Variants in SLC25A14 observed in about 807,000 individuals in gnomAD.
SLC25A14 encodes the protein solute carrier family 25 member 14, also known as brain mitochondrial carrier protein 1.
A neutral mutation model predicts 28.1 loss-of-function variants in SLC25A14; 8 were observed. That is an observed-to-expected ratio of 0.28 (90% CI 0.17 to 0.51). The LOEUF (loss-of-function observed/expected upper bound fraction) is 0.51, where lower values mean the gene tolerates loss of function less well. Among genes scored for constraint, SLC25A14 ranks in the 20% least tolerant of loss-of-function variants. The pLI is 0.97. For missense variants in SLC25A14, 135 were observed against 263.8 expected (o/e 0.51, Z 3.38); for synonymous variants, 74 against 90.6 (o/e 0.82, Z 1.04).
At chrX:130,345,109 C>A (rs980144549) in intron 2 of SLC25A14, 73 bp from the exon 3 acceptor site, 20 of 731,703 alleles carry the variant, frequency 2.7e-5, no homozygotes, top group Non-Finnish European at 3.9e-5. Context: ...TTTTGTTTAT[C>A]TAAATTATAT....
intron 6 of SLC25A14, among the ~76,000 whole-genome samples, chrX:130,355,498 T>G (rs1011589366): frequency 8.9e-6 from 1 of 112,298 alleles, no homozygotes; most frequent in African/African-American, 3.2e-5. Flanking sequence ...TTATTCCCTT[T>G]TTCTGAATTA....
At chrX:130,363,518 C>G (rs775715228) in intron 7 of SLC25A14, among the ~76,000 whole-genome samples, 1 of 112,075 alleles carries the variant, frequency 8.9e-6, no homozygotes, top group South Asian at 3.7e-4. Flanking sequence ...TTTCTGTACA[C>G]ATTTTTGTAT....
intron 6 of SLC25A14, among the ~76,000 whole-genome samples, chrX:130,354,455 A>C (rs985856476): frequency 8.9e-6 from 1 of 112,291 alleles, no homozygotes; most frequent in Non-Finnish European, 1.9e-5. Context: ...TATATCAGTT[A>C]GGTTATGGGC....
Position 130,371,489 on chromosome X carries a change from G to A in SLC25A14, c.856-75G>A, listed in dbSNP as rs538788001. On this transcript the variant is annotated intron_variant, in intron 9 of 10. Transcript: ENST00000545805. ...ATTCATGGAGCCATAAGTTGCCCTG[G>A]GGTGGGAGTGGAAGGTGATGTCAAA... The A allele has an allele frequency of 3.0e-3, 2,142 of 709,797 alleles. 7 individuals carry two copies. The highest frequency in any genetic ancestry group is 0.019 in the Middle Eastern group (63 of 3,398). 58.5% of individuals were successfully genotyped at this position (709,797 alleles called of 1,213,427 possible). A position where few individuals can be genotyped will look rare whatever the true frequency, so the allele number is the denominator to read the frequency against.
At chrX:130,363,787 G>A (rs2034041405) in intron 7 of SLC25A14, among the ~76,000 whole-genome samples, 1 of 111,494 alleles carries the variant, frequency 9.0e-6, no homozygotes, top group African/African-American at 3.3e-5. Flanking sequence ...AAGCTGGAAT[G>A]CAGTGGTGCA....
At chrX:130,351,563 T>C (rs1412682213) in intron 6 of SLC25A14, among the ~76,000 whole-genome samples, 3 of 111,999 alleles carry the variant, frequency 2.7e-5, no homozygotes, top group Non-Finnish European at 3.8e-5. Context: ...TTTCTACTTA[T>C]TAACGTATTT....
At chrX:130,356,217 CTTTTTTTTTTT>C (rs145822008) in intron 6 of SLC25A14, among the ~76,000 whole-genome samples, 5 of 52,053 alleles carry the variant, frequency 9.6e-5, no homozygotes, top group South Asian at 1.4e-3. Flanking sequence ...CAAGGGCAAT[CTTTTTTTTTTT>C]TTTTTTTTTT....
At chrX:130,341,382 G>A (rs986145917) in intron 2 of SLC25A14, among the ~76,000 whole-genome samples, 2 of 112,544 alleles carry the variant, frequency 1.8e-5, no homozygotes, top group African/African-American at 6.5e-5. Context: ...GGTAAATATT[G>A]TCTTGGTGCT....
At chrX:130,348,341 A>G (rs1226312780) in intron 4 of SLC25A14, among the ~76,000 whole-genome samples, 1 of 110,871 alleles carries the variant, frequency 9.0e-6, no homozygotes, top group Non-Finnish European at 1.9e-5. Context: ...TTTGGGGACG[A>G]TACAAACATT....
intron 1 of SLC25A14, 60 bp from the exon 2 acceptor site, chrX:130,340,047 C>G: frequency 9.9e-7 from 1 of 1,014,172 alleles, no homozygotes; most frequent in South Asian, 2.8e-5. Context: ...CGGGGCCGGG[C>G]TGGCCTGGTT....
chrX:130,347,526 A>G (rs1478627064), intron 4 of SLC25A14, among the ~76,000 whole-genome samples: 4 of 111,777 alleles, frequency 3.6e-5, no homozygotes. Context: ...CTCCTACAGT[A>G]TAGTTCTGCA....
chrX:130,352,730 G>A (rs150351727), intron 6 of SLC25A14, among the ~76,000 whole-genome samples: 3 of 112,037 alleles, frequency 2.7e-5, no homozygotes, highest in Non-Finnish European at 5.6e-5. Context: ...AGAAGTGTCC[G>A]TTCATGTCTT....
intron 7 of SLC25A14, among the ~76,000 whole-genome samples, chrX:130,363,832 C>T (rs1362864679): frequency 2.7e-5 from 3 of 111,525 alleles, no homozygotes; most frequent in Non-Finnish European, 5.6e-5. Flanking sequence ...CTCCCAGGCT[C>T]GGGTGATCCT....
At chrX:130,350,503 GTTTC>G (rs1024665938) in intron 5 of SLC25A14, 139 bp from the exon 6 acceptor site, 1 of 306,388 alleles carries the variant, frequency 3.3e-6, no homozygotes. Flanking sequence ...AAATATTTGA[GTTTC>G]TTTATTTTCC....
intron 2 of SLC25A14, among the ~76,000 whole-genome samples, chrX:130,342,929 G>T (rs754896009): frequency 5.5e-5 from 6 of 109,549 alleles, no homozygotes; most frequent in Non-Finnish European, 1.1e-4. Context: ...CCAGAATTGT[G>T]GGAACTTCAT....
chrX:130,370,408 C>CT (rs764639222), intron 9 of SLC25A14, among the ~76,000 whole-genome samples: 1 of 112,060 alleles, frequency 8.9e-6, no homozygotes, highest in African/African-American at 3.2e-5. Flanking sequence ...AACACAATGC[C>CT]TAACACACTG....
chrX:130,341,136 A>G (rs1179682050), intron 2 of SLC25A14, among the ~76,000 whole-genome samples: 2 of 111,738 alleles, frequency 1.8e-5, no homozygotes, highest in Non-Finnish European at 3.8e-5. Flanking sequence ...TCAAGGTTCA[A>G]TTTAGGTTCT....
intron 6 of SLC25A14, among the ~76,000 whole-genome samples, chrX:130,354,339 T>C (rs188443768): frequency 0.016 from 1,788 of 111,297 alleles, 17 homozygotes; most frequent in Non-Finnish European, 0.025. Context: ...GGTGTCGATT[T>C]CCTGACCTCG....
Position 130,340,336 on chromosome X carries a change from G to T in SLC25A14, c.58G>T (p.Ala20Ser). 1 of 1,211,545 alleles carries T rather than the reference G, an allele frequency of 8.3e-7. No homozygotes were observed. Among genetic ancestry groups the T allele is most frequent in the Non-Finnish European group, 1.1e-6 (1 of 895,223 alleles). The change falls in exon 2 of 11, where the codon GCC (alanine) becomes TCC (serine). Residue 20 changes from alanine to serine, a missense_variant. Physicochemically the swap from Ala to Ser is moderately conservative, Grantham distance 99 (BLOSUM62 1). Coordinates refer to ENST00000545805, the MANE Select transcript of SLC25A14 (RefSeq NM_001282195.2). The stretch of plus-strand genomic sequence containing the variant: ...TCTAAGGGTGAAGTTTGCAACGGCG[G>T]CCGTGATTGTAAGCGGAGTAAGCAA... ...IFLRVKFATAAVIVSGHQKST... is the reference protein window; with the variant it reads ...IFLRVKFATASVIVSGHQKST...
Sources: gnomAD v4.1 joint callset for allele counts (sites outside exome capture counted in the v4.1 genomes callset) on GRCh38, gnomAD v4.1.1 for gene constraint, MANE v1.5 for transcripts, NCBI Gene and HGNC (gene_info 2026-07-23, HGNC 2026-07-21) for gene names.